The following KIAA1217 variants were observed in gnomAD, a reference collection of about 807,000 sequenced individuals.
KIAA1217 encodes sickle tail protein homolog.
In KIAA1217, 88 loss-of-function variants were observed where a neutral mutation model predicts 163.9. The observed-to-expected ratio is 0.54, with a 90% CI of 0.45 to 0.64. KIAA1217 has a LOEUF of 0.64. Among genes scored for constraint, KIAA1217 ranks in the 30% least tolerant of loss-of-function variants. The pLI, the probability that KIAA1217 is intolerant of heterozygous loss-of-function variation, is 0.00. For missense variants in KIAA1217, 2,372 were observed against 2,475.0 expected, an observed-to-expected ratio of 0.96 and a Z score of 0.88; for synonymous variants, 903 against 923.1, an observed-to-expected ratio of 0.98 and a Z score of 0.39.
At chr10:24,309,630 A>C (rs2042452464) in intron 2 of KIAA1217, among the ~76,000 whole-genome samples, 1 of 152,232 alleles carries the variant, frequency 6.6e-6, no homozygotes. Flanking sequence ...TCTTGAGTCC[A>C]GCTGACCTGA....
chr10:23,961,584 T>G (rs1844821783), intron 1 of KIAA1217, among the ~76,000 whole-genome samples: 1 of 152,226 alleles, frequency 6.6e-6, no homozygotes, highest in Non-Finnish European at 1.5e-5. Context: ...ACTTATAAAC[T>G]ATCTTTAAAA....
intron 1 of KIAA1217, among the ~76,000 whole-genome samples, chr10:24,006,163 C>A (rs1266121146): frequency 6.6e-6 from 1 of 151,984 alleles, no homozygotes; most frequent in Non-Finnish European, 1.5e-5. Flanking sequence ...ATGGTCATAG[C>A]CAATATTTTA....
intron 1 of KIAA1217, among the ~76,000 whole-genome samples, chr10:23,696,279 C>T (rs1177947024): frequency 2.0e-5 from 3 of 152,210 alleles, no homozygotes; most frequent in African/African-American, 4.8e-5. Context: ...TGGGCCAGCT[C>T]GCCTACCCTG....
chr10:24,400,841 G>T (rs1003793324), intron 3 of KIAA1217, among the ~76,000 whole-genome samples: 1 of 151,700 alleles, frequency 6.6e-6, no homozygotes, highest in Non-Finnish European at 1.5e-5. Flanking sequence ...GGAAGATAAG[G>T]CTAGAAAAAA....
intron 2 of KIAA1217, among the ~76,000 whole-genome samples, chr10:24,030,638 C>T (rs1465004880): frequency 3.3e-5 from 5 of 152,174 alleles, no homozygotes; most frequent in South Asian, 2.1e-4. Flanking sequence ...CTTCCTCAAC[C>T]TGAACTCTGT....
intron 2 of KIAA1217, among the ~76,000 whole-genome samples, chr10:24,326,071 G>A (rs1029782501): frequency 2.6e-5 from 4 of 152,120 alleles, no homozygotes; most frequent in East Asian, 1.9e-4. Flanking sequence ...CTCCAGGACC[G>A]TCTAAAAGAA....
At chr10:23,843,022 G>A (rs372470748) in intron 1 of KIAA1217, among the ~76,000 whole-genome samples, 1 of 152,288 alleles carries the variant, frequency 6.6e-6, no homozygotes, top group African/African-American at 2.4e-5. Flanking sequence ...AGAAGTTGAG[G>A]AAGACTTCCA....
chr10:23,780,620 A>T (rs1056869503), intron 1 of KIAA1217, among the ~76,000 whole-genome samples: 36 of 152,304 alleles, frequency 2.4e-4, no homozygotes, highest in African/African-American at 7.0e-4. Context: ...AGTTGCAAAT[A>T]GCAAGATCTT....
At chr10:24,079,186 G>A (rs1270900136) in intron 2 of KIAA1217, among the ~76,000 whole-genome samples, 3 of 152,080 alleles carry the variant, frequency 2.0e-5, no homozygotes, top group African/African-American at 4.8e-5. Context: ...AGGGATTATG[G>A]GAAAAGACAA....
chr10:24,282,005 G>A (rs535775910), intron 2 of KIAA1217, among the ~76,000 whole-genome samples: 132 of 151,832 alleles, frequency 8.7e-4, no homozygotes, highest in African/African-American at 2.3e-3. Context: ...TGCAGTGAGC[G>A]GAGATCACAC....
At chr10:24,143,330 G>A (rs1056938062) in intron 2 of KIAA1217, among the ~76,000 whole-genome samples, 7 of 152,142 alleles carry the variant, frequency 4.6e-5, no homozygotes, top group South Asian at 2.1e-4. Context: ...GGAGTGGCAC[G>A]ATCTCAACTC....
intron 1 of KIAA1217, among the ~76,000 whole-genome samples, chr10:24,000,387 C>T (rs1459938933): frequency 1.3e-5 from 2 of 152,090 alleles, no homozygotes; most frequent in Non-Finnish European, 2.9e-5. Context: ...CCATTTTGCT[C>T]GGCACTTCTC....
At chr10:24,366,338 C>T (rs534596069) in intron 2 of KIAA1217, among the ~76,000 whole-genome samples, 3 of 151,962 alleles carry the variant, frequency 2.0e-5, no homozygotes, top group African/African-American at 7.2e-5. Context: ...CCAGCTACTC[C>T]GGAGGCTGAG....
intron 2 of KIAA1217, among the ~76,000 whole-genome samples, chr10:24,039,459 G>A (rs1357794541): frequency 6.6e-6 from 1 of 152,124 alleles, no homozygotes; most frequent in Non-Finnish European, 1.5e-5. Context: ...CAGCAGCAGT[G>A]AGCCACACCC....
intron 3 of KIAA1217, among the ~76,000 whole-genome samples, chr10:24,392,538 T>C (rs1021951725): frequency 2.0e-5 from 3 of 152,206 alleles, no homozygotes; most frequent in Non-Finnish European, 1.5e-5. Flanking sequence ...TGGCTATTAG[T>C]TGTCTTAGCA....
chr10:23,975,026 A>G (rs1168063943), intron 1 of KIAA1217, among the ~76,000 whole-genome samples: 1 of 152,150 alleles, frequency 6.6e-6, no homozygotes, highest in Non-Finnish European at 1.5e-5. Context: ...GAATTACTCA[A>G]TGCACATTGC....
At chr10:23,902,041 C>CA (rs1841979175) in intron 1 of KIAA1217, among the ~76,000 whole-genome samples, 1 of 151,858 alleles carries the variant, frequency 6.6e-6, no homozygotes, top group South Asian at 2.1e-4. Flanking sequence ...AGAGCCTTTA[C>CA]AACAAGCTTG....
chr10:23,955,607 T>C (rs574347027), intron 1 of KIAA1217, among the ~76,000 whole-genome samples: 1 of 152,314 alleles, frequency 6.6e-6, no homozygotes, highest in South Asian at 2.1e-4. Flanking sequence ...TGGTAGGTCG[T>C]CTGCCCAATG....
At chr10:24,495,051 G>T in intron 7 of KIAA1217, 96 bp from the exon 8 acceptor site, 1 of 1,004,636 alleles carries the variant, frequency 1.0e-6, no homozygotes, top group Non-Finnish European at 1.5e-6. Flanking sequence ...TCCCATCACT[G>T]CCAATTGCTT....
Sources: gnomAD v4.1 joint callset for allele counts (sites outside exome capture counted in the v4.1 genomes callset) on GRCh38, gnomAD v4.1.1 for gene constraint, MANE v1.5 for transcripts, NCBI Gene and HGNC (gene_info 2026-07-23, HGNC 2026-07-21) for gene names.